The following ATP10B variants were observed in gnomAD, a reference collection of about 807,000 sequenced individuals.
ATP10B encodes the protein phospholipid-transporting ATPase VB.
ATP10B carries 122 observed loss-of-function variants against 141.2 expected under a neutral mutation model. That is an observed-to-expected ratio of 0.86 (90% CI 0.75 to 1.00). The LOEUF is 1.00. Among genes scored for constraint, ATP10B ranks in the 50% least tolerant of loss-of-function variants. ATP10B has a pLI of 0.00. For synonymous variants in ATP10B, 685 were observed against 692.0 expected (o/e 0.99, Z 0.16); for missense variants, 1,876 against 1,825.3 (o/e 1.03, Z -0.51).
At chr5:160,853,126 CTGTG>C (rs1471554226), upstream of ATP10B, among the ~76,000 whole-genome samples, 1 of 152,164 alleles carries the variant, frequency 6.6e-6, no homozygotes, top group Non-Finnish European at 1.5e-5. Flanking sequence ...ATCTGCATCG[CTGTG>C]TGTGTAAGAC....
At chr5:160,833,090 C>A (rs1440919906) in intron 1 of ATP10B, among the ~76,000 whole-genome samples, 1 of 152,140 alleles carries the variant, frequency 6.6e-6, no homozygotes, top group African/African-American at 2.4e-5. Flanking sequence ...CATCAGTCTA[C>A]TGAAGGCTGG....
chr5:160,655,015 A>C (rs986196637), intron 7 of ATP10B, among the ~76,000 whole-genome samples: 1 of 152,226 alleles, frequency 6.6e-6, no homozygotes. Flanking sequence ...ATTTGGATGC[A>C]CAGAGGAAAG....
intron 2 of ATP10B, among the ~76,000 whole-genome samples, chr5:160,720,065 A>G (rs1031192408): frequency 4.6e-5 from 7 of 152,208 alleles, no homozygotes; most frequent in Non-Finnish European, 7.3e-5. Context: ...CTCCCAAGGC[A>G]TTGGTGATTT....
Position 160,613,003 on chromosome 5 carries a change from C to G in ATP10B, c.2654-78G>C, listed in dbSNP as rs1360450326. 4 of 1,398,786 alleles carry G rather than the reference C, an allele frequency of 2.9e-6. No homozygotes were observed. In the Admixed American group the frequency reaches 8.5e-5, roughly 30 times the overall value. The allele number at this position is 1,398,786 out of a possible 1,614,324, so 86.6% of individuals were successfully genotyped here. On this transcript the variant is annotated intron_variant, in intron 17 of 25. Coordinates refer to ENST00000327245, the MANE Select transcript of ATP10B (RefSeq NM_025153.3). ...TTAATTCCCCCAAAGCCATGTGAAG[C>G]CAGGCAATGTTTATTGGATAGCATC...
intron 14 of ATP10B, among the ~76,000 whole-genome samples, chr5:160,621,751 T>C (rs899013555): frequency 6.6e-6 from 1 of 152,202 alleles, no homozygotes; most frequent in Non-Finnish European, 1.5e-5. Context: ...GGTGATTGGC[T>C]AAGAGTCTGT....
intron 2 of ATP10B, among the ~76,000 whole-genome samples, chr5:160,741,406 A>C (rs1469706115): frequency 2.0e-5 from 3 of 152,196 alleles, no homozygotes; most frequent in African/African-American, 7.2e-5. Flanking sequence ...GGGAGTGAGA[A>C]ATAATCTAGA....
chr5:160,573,743 CT>C (rs1381870343), intron 24 of ATP10B, among the ~76,000 whole-genome samples: 1 of 152,168 alleles, frequency 6.6e-6, no homozygotes, highest in African/African-American at 2.4e-5. Context: ...GAAAAATTGT[CT>C]TCTGTGGTCC....
At chr5:160,903,969 C>A in the ATP10B span, among the ~76,000 whole-genome samples, 2 of 152,086 alleles carry the variant, frequency 1.3e-5, no homozygotes, top group Non-Finnish European at 2.9e-5. Context: ...TATGGGTCAT[C>A]CTCACCTGAC....
the ATP10B span, among the ~76,000 whole-genome samples, chr5:160,914,946 C>T: frequency 7.7e-4 from 117 of 152,186 alleles, no homozygotes; most frequent in East Asian, 0.011. Context: ...TTTTGTAAAG[C>T]CTGGAAGAAG....
chr5:160,583,043 G>T (rs1367715101), intron 24 of ATP10B, among the ~76,000 whole-genome samples: 1 of 151,972 alleles, frequency 6.6e-6, no homozygotes, highest in East Asian at 1.9e-4. Flanking sequence ...TAGCTTGGAG[G>T]TGTTTGTTAT....
chr5:160,759,868 A>G (rs917865050), intron 2 of ATP10B, among the ~76,000 whole-genome samples: 4 of 152,236 alleles, frequency 2.6e-5, no homozygotes, highest in Admixed American at 6.5e-5. Context: ...TCAATATAGT[A>G]ACTCATCCTT....
chr5:160,612,713 C>A lies in ATP10B; in HGVS notation c.2838+28G>T, dbSNP rs568911749. 3 of 1,588,912 alleles carry A rather than the reference C, an allele frequency of 1.9e-6. No individual in the cohort carries two copies. In the South Asian group the frequency reaches 3.4e-5, roughly 18 times the overall value. The stretch of plus-strand genomic sequence containing the variant: ...GGGTTGCTCTACACGTTGATATCTG[C>A]AGATATCAATACAGAGAATCACCTC... On this transcript the variant is annotated intron_variant, in intron 18 of 25. Coordinates refer to ENST00000327245, the MANE Select transcript of ATP10B (RefSeq NM_025153.3).
At chr5:160,846,112 A>G (rs992740678) in intron 1 of ATP10B, among the ~76,000 whole-genome samples, 1 of 152,172 alleles carries the variant, frequency 6.6e-6, no homozygotes, top group Non-Finnish European at 1.5e-5. Context: ...ATGCTATTGA[A>G]AGGGTAGTGC....
chr5:160,611,700 GTAGTCTACATCAGCCTCAGACAAAATT>G (rs1757728460), intron 18 of ATP10B: 1 of 152,192 alleles, frequency 6.6e-6, no homozygotes. Flanking sequence ...ACATTCTACT[GTAGTCTACATCAGCCTCAGACAAAATT>G]TAGTCCGGTG....
the ATP10B span, among the ~76,000 whole-genome samples, chr5:160,861,620 C>T: frequency 1.3e-5 from 2 of 151,846 alleles, no homozygotes; most frequent in African/African-American, 4.8e-5. Flanking sequence ...ATATGCTGTG[C>T]AGTAGAAGAC....
At chr5:160,567,000 A>T (rs1242532467) in intron 25 of ATP10B, among the ~76,000 whole-genome samples, 2 of 152,146 alleles carry the variant, frequency 1.3e-5, no homozygotes. Context: ...GATCTCATGG[A>T]ACCAGATAAA....
At chr5:160,663,653 C>G (rs10045305) in intron 7 of ATP10B, among the ~76,000 whole-genome samples, 124,678 of 150,948 alleles carry the variant, frequency 0.83, 51,750 homozygotes, top group South Asian at 0.88. Context: ...GTGGGGAGAG[C>G]GGGGAGGGAT....
chr5:160,867,906 A>T, the ATP10B span, among the ~76,000 whole-genome samples: 3 of 152,148 alleles, frequency 2.0e-5, no homozygotes, highest in Non-Finnish European at 2.9e-5. Flanking sequence ...ATTCAAAGTG[A>T]TTTTCCAGAT....
intron 24 of ATP10B, among the ~76,000 whole-genome samples, chr5:160,585,780 C>A (rs1206445299): frequency 6.6e-6 from 1 of 152,130 alleles, no homozygotes; most frequent in Non-Finnish European, 1.5e-5. Flanking sequence ...TGTCCCAGTT[C>A]CCAGAAAGTC....
Sources: allele counts gnomAD v4.1 joint callset (sites outside exome capture counted in the v4.1 genomes callset), GRCh38; gene constraint gnomAD v4.1.1; transcripts MANE v1.5; gene names NCBI Gene and HGNC (gene_info 2026-07-23, HGNC 2026-07-21).